The following SNX29 variants were observed in gnomAD, a reference collection of about 807,000 sequenced individuals.
The protein encoded by SNX29 is sorting nexin 29, also known as sorting nexin-29.
In SNX29, 78 loss-of-function variants were observed where a neutral mutation model predicts 102.1. The observed-to-expected ratio is 0.76, with a 90% CI of 0.64 to 0.92. The LOEUF (loss-of-function observed/expected upper bound fraction) is 0.92, where lower values mean the gene tolerates loss of function less well. SNX29 is among the 40% of genes least tolerant of loss of function. The probability of loss-of-function intolerance (pLI) is 0.00; values close to 1 mark genes in which losing one functional copy is unlikely to be tolerated. For missense variants in SNX29, 1,280 were observed against 1,061.7 expected, an observed-to-expected ratio of 1.21 and a Z score of -2.86; for synonymous variants, 580 against 414.5, an observed-to-expected ratio of 1.40 and a Z score of -4.85.
chr16:12,563,584 A>T (rs1447236517), intron 20 of SNX29, among the ~76,000 whole-genome samples: 1 of 146,492 alleles, frequency 6.8e-6, no homozygotes, highest in African/African-American at 2.5e-5. Flanking sequence ...GTGGTGGCTT[A>T]GGCCTCCATG....
intron 14 of SNX29, among the ~76,000 whole-genome samples, chr16:12,225,953 GT>G (rs1234020847): frequency 6.6e-6 from 1 of 152,134 alleles, no homozygotes; most frequent in Non-Finnish European, 1.5e-5. Context: ...TGAGTTCTGT[GT>G]TTTACACTGG....
chr16:12,538,654 G>A (rs995465507), intron 20 of SNX29, among the ~76,000 whole-genome samples: 1 of 150,720 alleles, frequency 6.6e-6, no homozygotes, highest in Non-Finnish European at 1.5e-5. Flanking sequence ...CTGTGAAACA[G>A]AAAGATCCAC....
chr16:12,004,680 G>A (rs908807299), intron 3 of SNX29, among the ~76,000 whole-genome samples: 1 of 151,896 alleles, frequency 6.6e-6, no homozygotes, highest in East Asian at 1.9e-4. Flanking sequence ...TCCTCTTTCT[G>A]TCCTTTCCTA....
chr16:12,570,573 C>T lies in SNX29; in HGVS notation c.*1944C>T, dbSNP rs1465314330. ...AGCTCAGAGACTGTCTCAGGAGTGC[C>T]TCCCTGGCCTGGGTAGCTACCCTGG... On this transcript the variant is annotated 3_prime_UTR_variant, in exon 21 of 21. Coordinates refer to ENST00000566228, the MANE Select transcript of SNX29 (RefSeq NM_032167.5). 1.3e-5 allele frequency: 3 copies of T among 232,228 alleles called. No individual in the cohort carries two copies. Among genetic ancestry groups the T allele is most frequent in the Non-Finnish European group, 2.6e-5 (3 of 117,502 alleles). 14.4% of individuals were successfully genotyped at this position (232,228 alleles called of 1,614,324 possible).
intron 19 of SNX29, among the ~76,000 whole-genome samples, chr16:12,496,205 C>G (rs905611978): frequency 2.0e-5 from 3 of 152,202 alleles, no homozygotes; most frequent in Admixed American, 6.5e-5. Context: ...TGTGAGCGCC[C>G]TAAAATTGTG....
At position 12,554,908 on chromosome 16, in the gene SNX29, G is replaced by A. The variant is rs564901075; in HGVS notation, c.2319-13598G>A. ...ATGCCATACAGGACAGGCAGTGCAG[G>A]GGAGAGGGGCTGAGGAGGGCAGCAA... On this transcript the variant is annotated intron_variant, in intron 20 of 20. Coordinates refer to ENST00000566228, the MANE Select transcript of SNX29 (RefSeq NM_032167.5). 2.7e-3 allele frequency among the ~76,000 whole-genome samples: 411 copies of A among 152,210 alleles called. 1 individual carries two copies. Among genetic ancestry groups the A allele is most frequent in the African/African-American group, 9.7e-3 (402 of 41,488 alleles).
At chr16:12,195,117 G>C (rs544577337) in intron 13 of SNX29, among the ~76,000 whole-genome samples, 2 of 152,312 alleles carry the variant, frequency 1.3e-5, no homozygotes, top group South Asian at 4.1e-4. Flanking sequence ...AATACACTCT[G>C]TACTCTGCTG....
intron 14 of SNX29, among the ~76,000 whole-genome samples, chr16:12,259,839 T>C (rs1303815511): frequency 1.4e-5 from 2 of 144,260 alleles, no homozygotes; most frequent in Non-Finnish European, 3.0e-5. Context: ...ATGAGCGTGG[T>C]TCAGGGTCCC....
At chr16:12,248,981 G>A (rs1335086045) in intron 14 of SNX29, among the ~76,000 whole-genome samples, 2 of 152,170 alleles carry the variant, frequency 1.3e-5, no homozygotes, top group Non-Finnish European at 2.9e-5. Flanking sequence ...CCTGGGAAGT[G>A]CGGTGCTGGG....
At position 12,362,964 on chromosome 16, in the gene SNX29, CCCATG is replaced by C. The variant is rs113334306; in HGVS notation, c.1899+6694_1899+6698del. On this transcript the variant is annotated intron_variant, in intron 16 of 20. Transcript: ENST00000566228. The stretch of plus-strand genomic sequence containing the variant: ...AATGAATGAATGTCACCAGTGGGCC[CCCATG>C]CCATGCCAGCCCATCTCTCCTCTGT... 4.8e-3 allele frequency among the ~76,000 whole-genome samples: 726 copies of C among 152,246 alleles called. 5 individuals are homozygous for C. Among genetic ancestry groups the C allele is most frequent in the African/African-American group, 0.017 (704 of 41,558 alleles).
intron 14 of SNX29, among the ~76,000 whole-genome samples, chr16:12,250,719 C>T (rs1020441563): frequency 6.6e-6 from 1 of 152,182 alleles, no homozygotes; most frequent in Non-Finnish European, 1.5e-5. Context: ...TGTAACTGCC[C>T]CATGTGTGAG....
intron 15 of SNX29, among the ~76,000 whole-genome samples, chr16:12,351,729 C>T (rs1333640653): frequency 6.6e-6 from 1 of 152,094 alleles, no homozygotes; most frequent in East Asian, 1.9e-4. Flanking sequence ...ACTCCATCTC[C>T]TAAAGCTCTG....
chr16:12,487,177 C>G (rs1223365444), intron 19 of SNX29, among the ~76,000 whole-genome samples: 1 of 152,144 alleles, frequency 6.6e-6, no homozygotes, highest in East Asian at 1.9e-4. Flanking sequence ...ATGGTAAGAT[C>G]TGTGTTCAGG....
At chr16:12,534,716 G>T (rs1462551405) in intron 20 of SNX29, among the ~76,000 whole-genome samples, 2 of 152,206 alleles carry the variant, frequency 1.3e-5, no homozygotes, top group Non-Finnish European at 2.9e-5. Flanking sequence ...CCACTCCCCT[G>T]TCACTCACTG....
intron 20 of SNX29, among the ~76,000 whole-genome samples, chr16:12,555,707 C>T (rs1210224155): frequency 6.6e-6 from 1 of 152,162 alleles, no homozygotes; most frequent in Non-Finnish European, 1.5e-5. Context: ...CTACGAGATT[C>T]TCCCTGATTG....
At chr16:12,080,694 T>G (rs12708745) in intron 11 of SNX29, among the ~76,000 whole-genome samples, 13 of 99,650 alleles carry the variant, frequency 1.3e-4, no homozygotes, top group African/African-American at 5.6e-4. Flanking sequence ...ACAGTTTACT[T>G]TTTTTTTTTT....
chr16:12,451,121 C>G (rs545177072), intron 18 of SNX29, among the ~76,000 whole-genome samples: 1 of 152,312 alleles, frequency 6.6e-6, no homozygotes, highest in Non-Finnish European at 1.5e-5. Flanking sequence ...CGCAGAGGTA[C>G]TTACTGCTAT....
intron 18 of SNX29, among the ~76,000 whole-genome samples, chr16:12,416,039 A>G (rs878977191): frequency 6.6e-6 from 1 of 152,186 alleles, no homozygotes; most frequent in East Asian, 2.0e-4. Flanking sequence ...CCTCAGTTAA[A>G]CAGGCTCTGA....
chr16:12,198,978 G>A (rs1012818264), intron 13 of SNX29, among the ~76,000 whole-genome samples: 1 of 152,162 alleles, frequency 6.6e-6, no homozygotes, highest in African/African-American at 2.4e-5. Context: ...AGTTCAGCAG[G>A]TGGGGTCCTG....
Sources: gnomAD v4.1 joint callset for allele counts (sites outside exome capture counted in the v4.1 genomes callset) on GRCh38, gnomAD v4.1.1 for gene constraint, MANE v1.5 for transcripts, NCBI Gene and HGNC (gene_info 2026-07-23, HGNC 2026-07-21) for gene names.